GRIN2A: variants seen among roughly 807,000 people sequenced by gnomAD.
The protein encoded by GRIN2A is glutamate ionotropic receptor NMDA type subunit 2A.
A neutral mutation model predicts 113.4 loss-of-function variants in GRIN2A; 22 were observed. The ratio of observed to expected loss-of-function variants is 0.19; its 90% CI spans 0.14 to 0.28. GRIN2A has a LOEUF of 0.28. Ranked by LOEUF, GRIN2A falls within the 10% of genes least tolerant of loss-of-function variation. The pLI is 1.00. For missense variants in GRIN2A, 1,502 were observed against 1,887.0 expected (o/e 0.80, Z 3.78); for synonymous variants, 827 against 738.4 (o/e 1.12, Z -1.94).
Position 9,761,642 on chromosome 16 carries a change from G to T in GRIN2A, c.*1507C>A. ...ATAACATAGCAACTATCTTGTCGGG[G>T]GCACTTGTTTTTGTGGCAGGCACTG... On this transcript the variant is annotated 3_prime_UTR_variant, in exon 13 of 13. Transcript: ENST00000330684. 4.4e-6 allele frequency: 1 copy of T among 229,110 alleles called. No homozygotes were observed. The highest frequency in any genetic ancestry group is 8.7e-6 in the Non-Finnish European group (1 of 115,548). 14.2% of individuals were successfully genotyped at this position (229,110 alleles called of 1,614,324 possible). A position where few individuals can be genotyped will look rare whatever the true frequency, so the allele number is the denominator to read the frequency against.
intron 2 of GRIN2A, among the ~76,000 whole-genome samples, chr16:10,053,191 C>A (rs995969063): frequency 3.9e-5 from 6 of 152,154 alleles, no homozygotes; most frequent in African/African-American, 1.4e-4. Context: ...AAGCTTTTAA[C>A]TGAAACTTTC....
intron 4 of GRIN2A, among the ~76,000 whole-genome samples, chr16:9,890,451 C>T (rs1172128407): frequency 6.6e-6 from 1 of 152,042 alleles, no homozygotes; most frequent in Admixed American, 6.6e-5. Context: ...TTTGTATTTT[C>T]AATAGCTAAT....
At position 9,938,052 on chromosome 16, in the gene GRIN2A, G is replaced by C. The variant is rs1596344343; in HGVS notation, c.914C>G (p.Ser305Cys). 3.7e-6 allele frequency: 6 copies of C among 1,614,100 alleles called. No individual in the cohort carries two copies. In the Middle Eastern group the frequency reaches 9.9e-4, roughly 266 times the overall value. Residue 305 changes from serine to cysteine, a missense_variant, in exon 3 of 13, where the codon TCT (serine) becomes TGT (cysteine). Physicochemically the swap from Ser to Cys is moderately radical, Grantham distance 112. This residue lies in a region of GRIN2A where 334 missense variants were observed against 403.0 expected (regional missense o/e 0.83). Transcript: ENST00000330684. The stretch of plus-strand genomic sequence containing the variant: ...GATGTAGGAGAACTTCTCCAGCATA[G>C]AAGATGCAGCGGTGGTTAGGATGCC... ...GIGILTTAAS[S>C]MLEKFSYIPE...
At chr16:9,966,978 T>C (rs925016883) in intron 2 of GRIN2A, among the ~76,000 whole-genome samples, 2 of 152,184 alleles carry the variant, frequency 1.3e-5, no homozygotes, top group African/African-American at 4.8e-5. Context: ...ACTTCAGCCT[T>C]CAGCAGTAGT....
intron 4 of GRIN2A, among the ~76,000 whole-genome samples, chr16:9,869,903 T>C (rs565523979): frequency 6.6e-6 from 1 of 152,204 alleles, no homozygotes; most frequent in Non-Finnish European, 1.5e-5. Flanking sequence ...AATGTGCATG[T>C]TCTTGTAAGC....
At chr16:9,855,330 C>G (rs1483995923) in intron 4 of GRIN2A, among the ~76,000 whole-genome samples, 1 of 152,206 alleles carries the variant, frequency 6.6e-6, no homozygotes, top group East Asian at 1.9e-4. Flanking sequence ...ATAATAACAA[C>G]AAACATCTCT....
chr16:10,003,302 C>T (rs1381579378), intron 2 of GRIN2A, among the ~76,000 whole-genome samples: 1 of 152,100 alleles, frequency 6.6e-6, no homozygotes, highest in Non-Finnish European at 1.5e-5. Context: ...GAGAAAAACC[C>T]ATGTGGAAAG....
chr16:9,765,498 A>G (rs769070052), intron 12 of GRIN2A, among the ~76,000 whole-genome samples: 6 of 152,224 alleles, frequency 3.9e-5, no homozygotes, highest in Admixed American at 6.5e-5. Context: ...TTCTCCATGC[A>G]CACATTGATT....
chr16:9,840,335 T>A (rs2042651596), intron 7 of GRIN2A, among the ~76,000 whole-genome samples: 1 of 151,926 alleles, frequency 6.6e-6, no homozygotes, highest in African/African-American at 2.4e-5. Flanking sequence ...GAGAGCCCCT[T>A]ATTAAACCGT....
At chr16:10,005,144 T>C (rs1261411463) in intron 2 of GRIN2A, among the ~76,000 whole-genome samples, 1 of 152,210 alleles carries the variant, frequency 6.6e-6, no homozygotes, top group East Asian at 1.9e-4. Context: ...AAAATAATCA[T>C]TTGAAAAAAT....
At chr16:10,165,297 T>C (rs948903891) in intron 2 of GRIN2A, among the ~76,000 whole-genome samples, 1 of 152,008 alleles carries the variant, frequency 6.6e-6, no homozygotes. Flanking sequence ...TGTGTATTTG[T>C]AAATAAGGTA....
intron 3 of GRIN2A, among the ~76,000 whole-genome samples, chr16:9,900,207 G>T (rs535851498): frequency 4.1e-4 from 62 of 152,256 alleles, no homozygotes; most frequent in African/African-American, 1.4e-3. Flanking sequence ...AATCATTTTG[G>T]CTACTAATTC....
intron 2 of GRIN2A, among the ~76,000 whole-genome samples, chr16:10,015,538 C>T (rs918234220): frequency 3.3e-5 from 5 of 152,048 alleles, no homozygotes; most frequent in Non-Finnish European, 5.9e-5. Context: ...TCCCTGATTC[C>T]GAATGCGCTT....
At chr16:10,007,072 T>C (rs1294952504) in intron 2 of GRIN2A, among the ~76,000 whole-genome samples, 1 of 152,258 alleles carries the variant, frequency 6.6e-6, no homozygotes. Context: ...TTGGCTATTA[T>C]GAATAGTGCT....
intron 2 of GRIN2A, among the ~76,000 whole-genome samples, chr16:10,068,492 T>A (rs2047691148): frequency 6.6e-6 from 1 of 152,120 alleles, no homozygotes; most frequent in African/African-American, 2.4e-5. Context: ...CTATACACTT[T>A]TAAATGACCA....
Position 10,036,083 on chromosome 16 carries a change from C to T in GRIN2A, c.415-97532G>A, listed in dbSNP as rs1292628820. The stretch of plus-strand genomic sequence containing the variant: ...TCTGCCTACTGCTTTCAGGTAAAAA[C>T]GATGAATGATTCAGATTCCCCTGAT... On this transcript the variant is annotated intron_variant, in intron 2 of 12. Transcript: ENST00000330684. 1.1e-4 allele frequency among the ~76,000 whole-genome samples: 16 copies of T among 152,266 alleles called. No homozygotes were observed. The East Asian group carries it at 1.2e-3, about 11-fold the overall frequency.
chr16:10,097,593 A>C (rs2142099019), intron 2 of GRIN2A, among the ~76,000 whole-genome samples: 1 of 152,252 alleles, frequency 6.6e-6, no homozygotes, highest in South Asian at 2.1e-4. Flanking sequence ...AGGGATCCTA[A>C]CCAAATCTGC....
chr16:10,143,318 T>C (rs1413236200), intron 2 of GRIN2A, among the ~76,000 whole-genome samples: 1 of 152,180 alleles, frequency 6.6e-6, no homozygotes, highest in African/African-American at 2.4e-5. Flanking sequence ...GTGTACAAGA[T>C]CATTTTAGAT....
rs2141345395 is a variant in GRIN2A at position 9,841,026 on chromosome 16, T to C, written c.1407A>G (p.Arg469=). The C allele has an allele frequency of 1.9e-6, 3 of 1,613,508 alleles. No individual in the cohort carries two copies. The highest frequency in any genetic ancestry group is 2.5e-6 in the Non-Finnish European group (3 of 1,179,480). ...FCIDILKKLS[R]TVKFTYDLYL... ...AGAGGTCGTAAGTAAACTTCACAGT[T>C]CTGGAAAGCTTCTTCAGAATATCAA... is the stretch of plus-strand genomic sequence containing the variant. The change falls in exon 6 of 13, where the codon AGA becomes AGG. Residue 469 remains arginine (R), a synonymous_variant. Transcript: ENST00000330684.
Sources: allele counts gnomAD v4.1 joint callset (sites outside exome capture counted in the v4.1 genomes callset), GRCh38; gene constraint gnomAD v4.1.1; regional missense constraint gnomAD v4.1.1; transcripts MANE v1.5; gene names NCBI Gene and HGNC (gene_info 2026-07-23, HGNC 2026-07-21).